CHRM3: variants seen among roughly 807,000 people sequenced by gnomAD.
CHRM3 encodes the protein muscarinic acetylcholine receptor M3.
In CHRM3, 11 loss-of-function variants were observed where a neutral mutation model predicts 41.8. The ratio of observed to expected loss-of-function variants is 0.26; its 90% CI spans 0.17 to 0.44. CHRM3 has a LOEUF of 0.44. Ranked by LOEUF, CHRM3 falls within the 20% of genes least tolerant of loss-of-function variation. The pLI is 1.00. For synonymous variants in CHRM3, 297 were observed against 301.4 expected (o/e 0.99, Z 0.15); for missense variants, 571 against 745.4 (o/e 0.77, Z 2.72).
rs113718712 is a variant in CHRM3 at position 239,496,332 on chromosome 1, C to A, written c.-422+3525C>A. Reference sequence around the variant, plus strand: ...CTGTAAAATTCCACTCCTATACTTGCCAGTTTTATGAGTTTATTTAATCTC... The same window carrying A: ...CTGTAAAATTCCACTCCTATACTTGACAGTTTTATGAGTTTATTTAATCTC... On this transcript the variant is annotated intron_variant, in intron 2 of 6. Transcript: ENST00000676153. Among the ~76,000 whole-genome samples, 1,214 of 152,126 alleles carry A rather than the reference C, an allele frequency of 8.0e-3. 11 individuals carry two copies. The highest frequency in any genetic ancestry group is 0.012 in the Non-Finnish European group (791 of 67,992).
At chr1:239,560,786 G>T (rs1173664465) in intron 3 of CHRM3, among the ~76,000 whole-genome samples, 1 of 151,770 alleles carries the variant, frequency 6.6e-6, no homozygotes, top group African/African-American at 2.4e-5. Context: ...TAAAATTCAG[G>T]TTCCACACAA....
chr1:239,528,397 T>C (rs1327321468), intron 2 of CHRM3, among the ~76,000 whole-genome samples: 1 of 152,222 alleles, frequency 6.6e-6, no homozygotes, highest in Non-Finnish European at 1.5e-5. Flanking sequence ...TGTCCTGCAC[T>C]GGCCCCTTGG....
intron 1 of CHRM3, among the ~76,000 whole-genome samples, chr1:239,467,671 A>G (rs1665828663): frequency 6.6e-6 from 1 of 152,198 alleles, no homozygotes; most frequent in Non-Finnish European, 1.5e-5. Flanking sequence ...GGTAGTGGAC[A>G]TATTCTATAA....
At chr1:239,877,694 G>T (rs2102847264) in intron 6 of CHRM3, among the ~76,000 whole-genome samples, 1 of 152,122 alleles carries the variant, frequency 6.6e-6, no homozygotes, top group East Asian at 1.9e-4. Flanking sequence ...TCAATGGGCT[G>T]CTTCATGCTT....
At chr1:239,693,601 T>C (rs759456741) in intron 5 of CHRM3, among the ~76,000 whole-genome samples, 1 of 152,194 alleles carries the variant, frequency 6.6e-6, no homozygotes, top group Non-Finnish European at 1.5e-5. Flanking sequence ...AATTATATTA[T>C]TTTTGAATTG....
chr1:239,444,603 A>G (rs2103273883), intron 1 of CHRM3, among the ~76,000 whole-genome samples: 2 of 152,206 alleles, frequency 1.3e-5, no homozygotes, highest in South Asian at 4.1e-4. Flanking sequence ...CTGGAAGGGA[A>G]CCTGGGGAGG....
intron 1 of CHRM3, among the ~76,000 whole-genome samples, chr1:239,430,954 C>T (rs1024896927): frequency 3.3e-5 from 5 of 152,066 alleles, no homozygotes; most frequent in African/African-American, 1.2e-4. Context: ...TTTCAACATA[C>T]TGATGTACTA....
At chr1:239,572,912 T>C (rs1273545417) in intron 3 of CHRM3, among the ~76,000 whole-genome samples, 1 of 152,208 alleles carries the variant, frequency 6.6e-6, no homozygotes, top group Non-Finnish European at 1.5e-5. Context: ...TGTGATTGTT[T>C]ATATCCCGCT....
chr1:239,902,075 T>C (rs1679623591), intron 6 of CHRM3, among the ~76,000 whole-genome samples: 1 of 152,190 alleles, frequency 6.6e-6, no homozygotes, highest in Non-Finnish European at 1.5e-5. Flanking sequence ...AAAGCCCTTA[T>C]CTTTAAATCC....
chr1:239,681,781 C>A (rs1658591632), intron 5 of CHRM3, among the ~76,000 whole-genome samples: 1 of 152,016 alleles, frequency 6.6e-6, no homozygotes, highest in Non-Finnish European at 1.5e-5. Flanking sequence ...CACCTGTAGT[C>A]CTAAATACTT....
intron 5 of CHRM3, among the ~76,000 whole-genome samples, chr1:239,716,452 C>T (rs867446164): frequency 7.2e-5 from 11 of 151,938 alleles, no homozygotes; most frequent in African/African-American, 2.2e-4. Context: ...GGTTGATAAT[C>T]GAAAAGGGCA....
intron 2 of CHRM3, among the ~76,000 whole-genome samples, chr1:239,533,802 C>T (rs1219069758): frequency 6.6e-6 from 1 of 150,904 alleles, no homozygotes; most frequent in Non-Finnish European, 1.5e-5. Flanking sequence ...CTCACCATCA[C>T]GAGAACAGCA....
intron 5 of CHRM3, among the ~76,000 whole-genome samples, chr1:239,769,150 A>G (rs1370849756): frequency 6.6e-6 from 1 of 151,892 alleles, no homozygotes; most frequent in African/African-American, 2.4e-5. Context: ...CAATTGTTCT[A>G]TAGGGAAAGT....
chr1:239,834,416 G>A (rs1211133187), intron 6 of CHRM3, among the ~76,000 whole-genome samples: 1 of 146,744 alleles, frequency 6.8e-6, no homozygotes, highest in Admixed American at 7.0e-5. Flanking sequence ...AGGTTCAAAC[G>A]ATTCTCCTGC....
chr1:239,745,581 C>T (rs1279637756), intron 5 of CHRM3, among the ~76,000 whole-genome samples: 21 of 151,988 alleles, frequency 1.4e-4, no homozygotes, highest in Admixed American at 1.4e-3. Context: ...GCCATGATGG[C>T]TTGCTGCACC....
chr1:239,417,310 A>G (rs74149054), intron 1 of CHRM3, among the ~76,000 whole-genome samples: 3,413 of 152,278 alleles, frequency 0.022, 104 homozygotes, highest in African/African-American at 0.078. Context: ...ATTTTAGAAC[A>G]AGTGGTCTGC....
chr1:239,745,650 C>T (rs1665286649), intron 5 of CHRM3, among the ~76,000 whole-genome samples: 2 of 152,028 alleles, frequency 1.3e-5, no homozygotes, highest in African/African-American at 4.8e-5. Flanking sequence ...CCTACCCGCC[C>T]CCACCACCCT....
intron 1 of CHRM3, among the ~76,000 whole-genome samples, chr1:239,432,311 G>A (rs1662897547): frequency 6.6e-6 from 1 of 152,046 alleles, no homozygotes; most frequent in South Asian, 2.1e-4. Flanking sequence ...ACTTCTCAGG[G>A]GCATTAAATC....
intron 1 of CHRM3, among the ~76,000 whole-genome samples, chr1:239,441,021 TA>T (rs1248552510): frequency 2.0e-5 from 3 of 152,176 alleles, no homozygotes; most frequent in African/African-American, 7.2e-5. Context: ...TGTTGACAGT[TA>T]AATTCATAAA....
Sources: gnomAD v4.1 joint callset for allele counts (sites outside exome capture counted in the v4.1 genomes callset) on GRCh38, gnomAD v4.1.1 for gene constraint, MANE v1.5 for transcripts, NCBI Gene and HGNC (gene_info 2026-07-23, HGNC 2026-07-21) for gene names.